Variants in SMCO4 observed in about 807,000 individuals in gnomAD.
SMCO4 encodes the protein single-pass membrane and coiled-coil domain-containing protein 4.
Under a neutral mutation model 3.6 loss-of-function variants are expected in SMCO4, and 4 were observed. That is an observed-to-expected ratio of 1.11 (90% CI 0.54 to 2.53). SMCO4 has a LOEUF of 2.53. SMCO4 is among the 30% of genes most tolerant of loss of function. The pLI is 0.02. For synonymous variants in SMCO4, 36 were observed against 35.3 expected, an observed-to-expected ratio of 1.02 and a Z score of -0.07; for missense variants, 70 against 80.8, an observed-to-expected ratio of 0.87 and a Z score of 0.51.
At position 93,478,857 on chromosome 11, in the gene SMCO4, T is replaced by A; in HGVS notation, c.*153A>T. 7.0e-7 allele frequency: 1 copy of A among 1,425,394 alleles called. No individual in the cohort carries two copies. Among genetic ancestry groups the A allele is most frequent in the Non-Finnish European group, 9.2e-7 (1 of 1,092,266 alleles). The allele number at this position is 1,425,394 out of a possible 1,614,324, so 88.3% of individuals were successfully genotyped here. A position where few individuals can be genotyped will look rare whatever the true frequency, so the allele number is the denominator to read the frequency against. ...CTATTCCCTCCCAAGAAAGCGGAGATACTTTAATCAAGTCAAAGACCAGAG... is the reference window on the plus strand; with the variant it reads ...CTATTCCCTCCCAAGAAAGCGGAGAAACTTTAATCAAGTCAAAGACCAGAG... On this transcript the variant is annotated 3_prime_UTR_variant, in exon 3 of 3. Transcript: ENST00000298966.
chr11:93,504,307 G>C (rs1303378617), intron 1 of SMCO4, among the ~76,000 whole-genome samples: 1 of 152,146 alleles, frequency 6.6e-6, no homozygotes, highest in Non-Finnish European at 1.5e-5. Context: ...CTCAACCCTT[G>C]GTCTCTTGAA....
At chr11:93,508,512 T>G (rs1948929037) in intron 1 of SMCO4, among the ~76,000 whole-genome samples, 1 of 152,114 alleles carries the variant, frequency 6.6e-6, no homozygotes, top group African/African-American at 2.4e-5. Flanking sequence ...ATGTAATGAT[T>G]TAAGAAAGAA....
At chr11:93,514,068 C>G (rs11020394) in intron 1 of SMCO4, among the ~76,000 whole-genome samples, 55 of 151,790 alleles carry the variant, frequency 3.6e-4, no homozygotes, top group African/African-American at 1.0e-3. Flanking sequence ...TGCTGCCTGT[C>G]GTAGGTGCTC....
chr11:93,485,471 T>C (rs1047648526), intron 2 of SMCO4, among the ~76,000 whole-genome samples: 5 of 152,242 alleles, frequency 3.3e-5, no homozygotes, highest in Admixed American at 6.5e-5. Flanking sequence ...TGGACAACCA[T>C]CACATGTGGC....
intron 2 of SMCO4, among the ~76,000 whole-genome samples, chr11:93,498,955 G>A (rs532562918): frequency 4.1e-4 from 62 of 152,244 alleles, no homozygotes; most frequent in African/African-American, 1.4e-3. Flanking sequence ...TATGATGGGG[G>A]GTGTGTCACA....
intron 2 of SMCO4, among the ~76,000 whole-genome samples, chr11:93,495,001 T>C (rs749779442): frequency 2.0e-5 from 3 of 152,128 alleles, no homozygotes; most frequent in Non-Finnish European, 2.9e-5. Flanking sequence ...CTCAGTGTTC[T>C]CTGGCATGCC....
intron 1 of SMCO4, chr11:93,535,370 C>T: frequency 1.4e-6 from 1 of 733,074 alleles, no homozygotes; most frequent in Non-Finnish European, 2.2e-6. Context: ...ACCCACCACT[C>T]TTAACATCTA....
chr11:93,535,624 GACA>G (rs766249386), intron 1 of SMCO4: 4 of 1,583,454 alleles, frequency 2.5e-6, no homozygotes, highest in East Asian at 2.2e-5. Context: ...TGAGCCTGCA[GACA>G]ACAAGTGTCT....
At chr11:93,488,199 G>A (rs574631782) in intron 2 of SMCO4, among the ~76,000 whole-genome samples, 2 of 152,322 alleles carry the variant, frequency 1.3e-5, no homozygotes, top group East Asian at 1.9e-4. Flanking sequence ...TTCCAGGCAG[G>A]GCAGGACCCA....
intron 1 of SMCO4, among the ~76,000 whole-genome samples, chr11:93,520,814 T>C (rs1949050420): frequency 6.6e-6 from 1 of 152,210 alleles, no homozygotes; most frequent in Non-Finnish European, 1.5e-5. Context: ...ACCAAGTCTC[T>C]TTGGGATTTC....
At chr11:93,550,498 A>C in the SMCO4 span, among the ~76,000 whole-genome samples, 1 of 151,970 alleles carries the variant, frequency 6.6e-6, no homozygotes, top group Non-Finnish European at 1.5e-5. Context: ...CATCTCTACA[A>C]AAAATTTTAA....
intron 1 of SMCO4, among the ~76,000 whole-genome samples, chr11:93,522,593 T>A (rs1439338927): frequency 6.6e-6 from 1 of 152,278 alleles, no homozygotes; most frequent in African/African-American, 2.4e-5. Context: ...GCCTAAGATA[T>A]AACAGGGCAT....
intron 1 of SMCO4, among the ~76,000 whole-genome samples, chr11:93,504,579 A>G (rs1305411326): frequency 6.6e-6 from 1 of 152,194 alleles, no homozygotes; most frequent in Non-Finnish European, 1.5e-5. Context: ...ACATCAAATC[A>G]AACACTGACC....
intron 1 of SMCO4, among the ~76,000 whole-genome samples, chr11:93,542,167 G>A (rs572082558): frequency 1.3e-5 from 2 of 151,108 alleles, no homozygotes; most frequent in East Asian, 1.9e-4. Flanking sequence ...CTCCACACAG[G>A]TTGTTCTAAT....
At chr11:93,512,802 A>G (rs1310942259) in intron 1 of SMCO4, among the ~76,000 whole-genome samples, 3 of 152,208 alleles carry the variant, frequency 2.0e-5, no homozygotes, top group Non-Finnish European at 4.4e-5. Context: ...CATTGACCGT[A>G]TATCTTGGTG....
At chr11:93,530,325 G>A (rs986808749) in intron 1 of SMCO4, among the ~76,000 whole-genome samples, 1 of 152,176 alleles carries the variant, frequency 6.6e-6, no homozygotes, top group Non-Finnish European at 1.5e-5. Context: ...AGCCTTGTCT[G>A]TTTGCTCTCT....
chr11:93,484,369 T>C (rs1172182065), intron 2 of SMCO4, among the ~76,000 whole-genome samples: 1 of 152,240 alleles, frequency 6.6e-6, no homozygotes, highest in Non-Finnish European at 1.5e-5. Context: ...GAGATTATAA[T>C]GTACACAGAG....
At position 93,484,836 on chromosome 11, in the gene SMCO4, A is replaced by AGACAAGGAAGATCACTTT. The variant is rs539652837; in HGVS notation, c.-80-5585_-80-5568dup. On this transcript the variant is annotated intron_variant, in intron 2 of 2. Transcript: ENST00000298966. ...GTTCAGGCTCTCAGGGGAAGGTCTAAGACAAGGAAGATCACTTTCAACTCT... is the reference window on the plus strand; with the variant it reads ...GTTCAGGCTCTCAGGGGAAGGTCTAAGACAAGGAAGATCACTTTGACAAGGAAGATCACTTTCAACTCT... 1.5e-4 allele frequency among the ~76,000 whole-genome samples: 23 copies of AGACAAGGAAGATCACTTT among 152,290 alleles called. No homozygotes were observed. In the South Asian group the frequency reaches 4.8e-3, roughly 32 times the overall value.
Position 93,479,168 on chromosome 11 carries a change from G to A in SMCO4, c.22C>T (p.Pro8Ser). ...TTGTCCTTGGAGGTCTCCTTCTTGGGCTTCCCTTTGAGCTGCCGCATCTTT... is the reference window on the plus strand; with the variant it reads ...TTGTCCTTGGAGGTCTCCTTCTTGGACTTCCCTTTGAGCTGCCGCATCTTT... MRQLKGKPKKETSKDKKE... is the reference protein window; with the variant it reads MRQLKGKSKKETSKDKKE... The change falls in exon 3 of 3, where the codon CCC (proline) becomes TCC (serine). Residue 8 changes from proline to serine, a missense_variant. Physicochemically the swap from Pro to Ser is moderately conservative, Grantham distance 74. Transcript: ENST00000298966. 1 of 1,614,022 alleles carries A rather than the reference G, an allele frequency of 6.2e-7. No homozygotes were observed. Among genetic ancestry groups the A allele is most frequent in the Non-Finnish European group, 8.5e-7 (1 of 1,179,988 alleles).
Sources: gnomAD v4.1 joint callset for allele counts (sites outside exome capture counted in the v4.1 genomes callset) on GRCh38, gnomAD v4.1.1 for gene constraint, MANE v1.5 for transcripts, NCBI Gene and HGNC (gene_info 2026-07-23, HGNC 2026-07-21) for gene names.